Variants in AGPAT1 observed in about 807,000 individuals in gnomAD.
AGPAT1 encodes the protein 1-acyl-sn-glycerol-3-phosphate acyltransferase alpha.
AGPAT1 carries 6 observed loss-of-function variants against 31.2 expected under a neutral mutation model. The ratio of observed to expected loss-of-function variants is 0.19; its 90% CI spans 0.11 to 0.38. The LOEUF (loss-of-function observed/expected upper bound fraction) is 0.38, where lower values mean the gene tolerates loss of function less well. Ranked by LOEUF, AGPAT1 falls within the 10% of genes least tolerant of loss-of-function variation. The probability of loss-of-function intolerance (pLI) is 1.00; values close to 1 mark genes in which losing one functional copy is unlikely to be tolerated. For missense variants in AGPAT1, 187 were observed against 377.8 expected, an observed-to-expected ratio of 0.49 and a Z score of 4.19; for synonymous variants, 139 against 154.0, an observed-to-expected ratio of 0.90 and a Z score of 0.72.
In AGPAT1 at chr6:32,168,934, A is replaced by G; in HGVS notation, c.*342T>C. ...AATGTGGGGTAGAGGGGTAGAGAAGACCACATAGGAAGAGACTCCACTGGG... is the reference window on the plus strand; with the variant it reads ...AATGTGGGGTAGAGGGGTAGAGAAGGCCACATAGGAAGAGACTCCACTGGG... On this transcript the variant is annotated 3_prime_UTR_variant, in exon 7 of 7. Transcript: ENST00000375107. The surrounding 1 kb of genome is among the most constrained non-coding windows in gnomAD (Gnocchi z 4.5). 1 of 350,752 alleles carries G rather than the reference A, an allele frequency of 2.9e-6. No individual in the cohort carries two copies. Among genetic ancestry groups the G allele is most frequent in the South Asian group, 6.2e-5 (1 of 16,154 alleles). 21.7% of individuals were successfully genotyped at this position (350,752 alleles called of 1,614,324 possible).
In AGPAT1 at chr6:32,170,964, T is replaced by G; in HGVS notation, c.307A>C (p.Asn103His). Residue 103 changes from asparagine (N) to histidine (H), a missense_variant, in exon 3 of 7, where the codon AAC becomes CAC. Asn to His is a moderately conservative substitution (Grantham distance 68, BLOSUM62 1). Transcript: ENST00000375107. The surrounding 1 kb of genome is among the most constrained non-coding windows in gnomAD (Gnocchi z 7.7). ...PPSQPYVVVS[N>H]HQSSLDLLGM... Reference sequence around the variant, plus strand: ...AGCAGATCGAGAGAGCTCTGGTGGTTGGAGACAACAACATAGGGCTGCGAG... The same window carrying G: ...AGCAGATCGAGAGAGCTCTGGTGGTGGGAGACAACAACATAGGGCTGCGAG... 2 of 1,612,388 alleles carry G rather than the reference T, an allele frequency of 1.2e-6. No individual in the cohort carries two copies.
chr6:32,176,131 C>A, upstream of AGPAT1: 4 of 985,542 alleles, frequency 4.1e-6, no homozygotes, highest in Non-Finnish European at 4.8e-6. Context: ...CCGGGGCCGG[C>A]CAGGAAGTGG....
In AGPAT1 at chr6:32,170,338, T is replaced by C; in HGVS notation, c.511-78A>G. ...AGGTGTGATGTTATAATGGGACCTT[T>C]GAGGCCCACTGGCCCTGCATATCAG... On this transcript the variant is annotated intron_variant, in intron 4 of 6. Coordinates refer to ENST00000375107, the MANE Select transcript of AGPAT1 (RefSeq NM_006411.4). This position sits in a 1 kb window ranked among gnomAD's most constrained non-coding sequence, Gnocchi z 7.7. 1.2e-6 allele frequency: 2 copies of C among 1,605,818 alleles called. No individual in the cohort carries two copies. Among genetic ancestry groups the C allele is most frequent in the South Asian group, 1.1e-5 (1 of 90,772 alleles).
At position 32,175,701 on chromosome 6, in the gene AGPAT1, C is replaced by T. The variant is rs115463529; in HGVS notation, c.-10+113G>A. ...TCCCAGTCGGCCCCTCTCCTTTCCCCAGCAACCCTCTCCCCCAGTCGGCCC... is the reference window on the plus strand; with the variant it reads ...TCCCAGTCGGCCCCTCTCCTTTCCCTAGCAACCCTCTCCCCCAGTCGGCCC... On this transcript the variant is annotated intron_variant, in intron 1 of 6. Coordinates refer to ENST00000375107, the MANE Select transcript of AGPAT1 (RefSeq NM_006411.4). This position sits in a 1 kb window ranked among gnomAD's most constrained non-coding sequence, Gnocchi z 4.5. 0.022 allele frequency: 10,925 copies of T among 502,954 alleles called. 234 individuals are homozygous for T. Among genetic ancestry groups the T allele is most frequent in the Non-Finnish European group, 0.022 (8,691 of 388,702 alleles). 31.2% of individuals were successfully genotyped at this position (502,954 alleles called of 1,614,324 possible).
chr6:32,169,130 C>T lies in AGPAT1; in HGVS notation c.*146G>A, dbSNP rs2127410033. 3.4e-6 allele frequency: 3 copies of T among 893,218 alleles called. No individual in the cohort carries two copies. The highest frequency in any genetic ancestry group is 1.7e-5 in the African/African-American group (1 of 59,492). The allele number at this position is 893,218 out of a possible 1,614,324, so 55.3% of individuals were successfully genotyped here. On this transcript the variant is annotated 3_prime_UTR_variant, in exon 7 of 7. Coordinates refer to ENST00000375107, the MANE Select transcript of AGPAT1 (RefSeq NM_006411.4). The surrounding 1 kb of genome is among the most constrained non-coding windows in gnomAD (Gnocchi z 5.9). The stretch of plus-strand genomic sequence containing the variant: ...AGGAGTGGCGCTGTATCCACATTCA[C>T]TTCAGAAGTTGAAGATTCCAAAGAG...
chr6:32,171,514 G>A lies in AGPAT1; in HGVS notation c.-9-9C>T. 6.4e-7 allele frequency: 1 copy of A among 1,559,718 alleles called. No homozygotes were observed. Among genetic ancestry groups the A allele is most frequent in the Non-Finnish European group, 8.7e-7 (1 of 1,155,544 alleles). On this transcript the variant is annotated splice_polypyrimidine_tract_variant and intron_variant, in intron 1 of 6. Coordinates refer to ENST00000375107, the MANE Select transcript of AGPAT1 (RefSeq NM_006411.4). This position sits in a 1 kb window ranked among gnomAD's most constrained non-coding sequence, Gnocchi z 6.9. The stretch of plus-strand genomic sequence containing the variant: ...AAATCCATTCTGGCCACCTGCAGGG[G>A]ATGGGGCAAGGGACAATCAGCCTGG...
At position 32,171,195 on chromosome 6, in the gene AGPAT1, C is replaced by T; in HGVS notation, c.200+102G>A. 1 of 1,594,540 alleles carries T rather than the reference C, an allele frequency of 6.3e-7. No individual in the cohort carries two copies. Among genetic ancestry groups the T allele is most frequent in the Non-Finnish European group, 8.6e-7 (1 of 1,168,150 alleles). ...CCTCTCCCCATTCCCTGTCTCTGGT[C>T]TCTCTCAGTCTTTTCTACACACACC... is the stretch of plus-strand genomic sequence containing the variant. On this transcript the variant is annotated intron_variant, in intron 2 of 6. Transcript: ENST00000375107. The surrounding 1 kb of genome is among the most constrained non-coding windows in gnomAD (Gnocchi z 6.9).
rs1171758866 is a variant in AGPAT1, at chr6:32,171,552, A to G, written c.-9-47T>C. 32 of 1,536,674 alleles carry G rather than the reference A, an allele frequency of 2.1e-5. No individual in the cohort carries two copies. The highest frequency in any genetic ancestry group is 2.7e-5 in the African/African-American group (2 of 72,942). ...ACAATCAGCCTGGTTTCTGGAGGAG[A>G]GTGGGGTAGGCAAGGCACAGAAGGC... On this transcript the variant is annotated intron_variant, in intron 1 of 6. Coordinates refer to ENST00000375107, the MANE Select transcript of AGPAT1 (RefSeq NM_006411.4). This position sits in a 1 kb window ranked among gnomAD's most constrained non-coding sequence, Gnocchi z 6.9.
In AGPAT1 at chr6:32,173,994, G is replaced by T. The variant is rs189356947; in HGVS notation, c.-10+1820C>A. 6.6e-6 allele frequency among the ~76,000 whole-genome samples: 1 copy of T among 152,124 alleles called. No individual in the cohort carries two copies. The highest frequency in any genetic ancestry group is 1.5e-5 in the Non-Finnish European group (1 of 68,020). ...TCCAAACTGTTGGGATTACAGGTGT[G>T]AGCCATCGTGGCTGGCTAGCAATCT... On this transcript the variant is annotated intron_variant, in intron 1 of 6. Transcript: ENST00000375107. This position sits in a 1 kb window ranked among gnomAD's most constrained non-coding sequence, Gnocchi z 4.7.
upstream of AGPAT1, chr6:32,177,326 T>C: frequency 2.6e-6 from 1 of 379,744 alleles, no homozygotes; most frequent in Non-Finnish European, 4.7e-6. Context: ...ACCCTATTTC[T>C]GATGGGCAAA....
upstream of AGPAT1, chr6:32,176,812 T>G: frequency 2.6e-6 from 1 of 390,120 alleles, no homozygotes; most frequent in Non-Finnish European, 4.5e-6. Flanking sequence ...CAACATACAA[T>G]ATGGGTACAT....
chr6:32,170,703 G>T lies in AGPAT1; in HGVS notation c.335-103C>A. ...TCACCCTCTGGTAGGGACTGGAGGTGAAGGAGGAGACTAGGCAGGGAGGGG... is the reference window on the plus strand; with the variant it reads ...TCACCCTCTGGTAGGGACTGGAGGTTAAGGAGGAGACTAGGCAGGGAGGGG... On this transcript the variant is annotated intron_variant, in intron 3 of 6. Coordinates refer to ENST00000375107, the MANE Select transcript of AGPAT1 (RefSeq NM_006411.4). The surrounding 1 kb of genome is among the most constrained non-coding windows in gnomAD (Gnocchi z 7.7). The T allele has an allele frequency of 6.9e-7, 1 of 1,449,464 alleles. No homozygotes were observed. The highest frequency in any genetic ancestry group is 9.5e-7 in the Non-Finnish European group (1 of 1,049,872). The allele number at this position is 1,449,464 out of a possible 1,614,324, so 89.8% of individuals were successfully genotyped here.
In AGPAT1 at chr6:32,174,055, G is replaced by A. The variant is rs976377996; in HGVS notation, c.-10+1759C>T. ...AAGCCCTCTGGTGAGTCTGATGTGC[G>A]CCTGAATTTAAGAACCACTGATCTT... On this transcript the variant is annotated intron_variant, in intron 1 of 6. Coordinates refer to ENST00000375107, the MANE Select transcript of AGPAT1 (RefSeq NM_006411.4). The surrounding 1 kb of genome is among the most constrained non-coding windows in gnomAD (Gnocchi z 4.5). 6.6e-6 allele frequency among the ~76,000 whole-genome samples: 1 copy of A among 152,102 alleles called. No individual in the cohort carries two copies. The highest frequency in any genetic ancestry group is 2.4e-5 in the African/African-American group (1 of 41,402).
Position 32,175,428 on chromosome 6 carries a change from C to A in AGPAT1, c.-10+386G>T, listed in dbSNP as rs1244432604. On this transcript the variant is annotated intron_variant, in intron 1 of 6. Transcript: ENST00000375107. The surrounding 1 kb of genome is among the most constrained non-coding windows in gnomAD (Gnocchi z 4.5). ...AAGAGGTCCTGTGCCTAGATGGAAA[C>A]AGAGGCACCTAAGGGTATTCCTAAG... Among the ~76,000 whole-genome samples the A allele has an allele frequency of 6.6e-6, 1 of 152,156 alleles. No individual in the cohort carries two copies. The highest frequency in any genetic ancestry group is 1.9e-4 in the East Asian group (1 of 5,196).
In AGPAT1 at chr6:32,170,257, T is replaced by G. The variant is rs1322712009; in HGVS notation, c.514A>C (p.Arg172=). 6.2e-7 allele frequency: 1 copy of G among 1,613,142 alleles called. No homozygotes were observed. Among genetic ancestry groups the G allele is most frequent in the South Asian group, 1.1e-5 (1 of 90,912 alleles). Residue 172 remains arginine, a synonymous_variant, in exon 5 of 7, where the codon AGG becomes CGG. Coordinates refer to ENST00000375107, the MANE Select transcript of AGPAT1 (RefSeq NM_006411.4). The surrounding 1 kb of genome is among the most constrained non-coding windows in gnomAD (Gnocchi z 7.7). ...GTTCCCTCAGGAAACACCCAGACCC[T>G]CACCTGGGGGAGAAAGAGGGTCAAA... ...VAQTLLTQDV[R]VWVFPEGTRN...
Position 32,170,626 on chromosome 6 carries a change from G to T in AGPAT1, c.335-26C>A. 1.2e-6 allele frequency: 2 copies of T among 1,606,872 alleles called. No homozygotes were observed. The highest frequency in any genetic ancestry group is 8.5e-7 in the Non-Finnish European group (1 of 1,179,702). On this transcript the variant is annotated intron_variant, in intron 3 of 6. Transcript: ENST00000375107. This position sits in a 1 kb window ranked among gnomAD's most constrained non-coding sequence, Gnocchi z 7.7. Reference sequence around the variant, plus strand: ...CTTGGGCAGGGTGGGAGTGGGTGAGGATCGGGGTGGAGGCAGAGTGTCACA... The same window carrying T: ...CTTGGGCAGGGTGGGAGTGGGTGAGTATCGGGGTGGAGGCAGAGTGTCACA...
Position 32,169,350 on chromosome 6 carries a change from T to C in AGPAT1, c.778A>G (p.Thr260Ala), listed in dbSNP as rs1582655409. The C allele has an allele frequency of 2.5e-6, 4 of 1,612,934 alleles. No homozygotes were observed. The highest frequency in any genetic ancestry group is 2.2e-5 in the East Asian group (1 of 44,870). The change falls in exon 7 of 7, where the codon ACT (threonine) becomes GCT (alanine). Residue 260 changes from threonine (T) to alanine (A), a missense_variant. Around this residue, in one of 3 missense-constraint regions of AGPAT1, gnomAD observed 29 missense variants for 33.8 expected, o/e 0.86. Coordinates refer to ENST00000375107, the MANE Select transcript of AGPAT1 (RefSeq NM_006411.4). The surrounding 1 kb of genome is among the most constrained non-coding windows in gnomAD (Gnocchi z 5.9). ...LADRVRHSML[T>A]VFREISTDGR... ...TCAGTGGAGATTTCCCGGAAAACAGTGAGCATGGAGTGCCGGACTCTGTCA... is the reference window on the plus strand; with the variant it reads ...TCAGTGGAGATTTCCCGGAAAACAGCGAGCATGGAGTGCCGGACTCTGTCA...
rs1248731930 is a variant in AGPAT1, at chr6:32,174,136, G to C, written c.-10+1678C>G. Reference sequence around the variant, plus strand: ...TGTTTCCCTCCTTAGGCTGTAAGCAGCTTAAGGACAGGGACTCTGTCTTAT... The same window carrying C: ...TGTTTCCCTCCTTAGGCTGTAAGCACCTTAAGGACAGGGACTCTGTCTTAT... On this transcript the variant is annotated intron_variant, in intron 1 of 6. Coordinates refer to ENST00000375107, the MANE Select transcript of AGPAT1 (RefSeq NM_006411.4). The surrounding 1 kb of genome is among the most constrained non-coding windows in gnomAD (Gnocchi z 4.5). 2.6e-5 allele frequency among the ~76,000 whole-genome samples: 4 copies of C among 152,192 alleles called. No individual in the cohort carries two copies. The highest frequency in any genetic ancestry group is 7.2e-5 in the African/African-American group (3 of 41,436).
chr6:32,171,816 C>T lies in AGPAT1; in HGVS notation c.-9-311G>A, dbSNP rs972650711. The T allele has an allele frequency of 2.5e-5, 13 of 527,320 alleles. No individual in the cohort carries two copies. Among genetic ancestry groups the T allele is most frequent in the African/African-American group, 1.7e-4 (9 of 52,732 alleles). The allele number at this position is 527,320 out of a possible 1,614,324, so 32.7% of individuals were successfully genotyped here. ...ATGACAACAAGAATAATAGCTAACACTTGTAGCTGGTAAGGGTCTTATAAT... is the reference window on the plus strand; with the variant it reads ...ATGACAACAAGAATAATAGCTAACATTTGTAGCTGGTAAGGGTCTTATAAT... On this transcript the variant is annotated intron_variant, in intron 1 of 6. Transcript: ENST00000375107. This position sits in a 1 kb window ranked among gnomAD's most constrained non-coding sequence, Gnocchi z 6.9.
Sources: gnomAD v4.1 joint callset for allele counts (sites outside exome capture counted in the v4.1 genomes callset) on GRCh38, gnomAD v4.1.1 for gene constraint, gnomAD v4.1.1 regional missense constraint, Gnocchi (gnomAD v3.1) non-coding constraint, MANE v1.5 for transcripts, NCBI Gene and HGNC (gene_info 2026-07-23, HGNC 2026-07-21) for gene names.